ZC3H12C: variants seen among roughly 807,000 people sequenced by gnomAD.
The protein encoded by ZC3H12C is probable ribonuclease ZC3H12C.
Under a neutral mutation model 76.3 loss-of-function variants are expected in ZC3H12C, and 20 were observed. The observed-to-expected ratio is 0.26, with a 90% CI of 0.18 to 0.38. The LOEUF (loss-of-function observed/expected upper bound fraction) is 0.38, where lower values mean the gene tolerates loss of function less well. Ranked by LOEUF, ZC3H12C falls within the 10% of genes least tolerant of loss-of-function variation. The probability of loss-of-function intolerance (pLI) is 1.00; values close to 1 mark genes in which losing one functional copy is unlikely to be tolerated. For synonymous variants in ZC3H12C, 352 were observed against 399.6 expected (o/e 0.88, Z 1.42); for missense variants, 874 against 1,086.5 (o/e 0.80, Z 2.75).
intron 1 of ZC3H12C, among the ~76,000 whole-genome samples, chr11:110,102,528 CT>C (rs1214834665): frequency 6.6e-6 from 1 of 152,070 alleles, no homozygotes; most frequent in Non-Finnish European, 1.5e-5. Flanking sequence ...ACAGTGGTTT[CT>C]TAATTTGGAA....
intron 1 of ZC3H12C, among the ~76,000 whole-genome samples, chr11:110,127,895 CAAAA>C (rs749388411): frequency 2.0e-5 from 1 of 50,904 alleles, no homozygotes. Context: ...GACTTACTCT[CAAAA>C]AAAAAAAAAA....
At chr11:110,143,669 G>A (rs1056625305) in intron 2 of ZC3H12C, among the ~76,000 whole-genome samples, 4 of 152,046 alleles carry the variant, frequency 2.6e-5, no homozygotes, top group African/African-American at 4.8e-5. Flanking sequence ...ACACACACAC[G>A]TATATGTATT....
intron 1 of ZC3H12C, among the ~76,000 whole-genome samples, chr11:110,116,116 T>C (rs1176757944): frequency 2.6e-5 from 4 of 152,150 alleles, no homozygotes; most frequent in African/African-American, 4.8e-5. Flanking sequence ...CTGCTATATT[T>C]TCTTCTAATT....
chr11:110,163,835 A>C (rs1862525421), intron 5 of ZC3H12C, among the ~76,000 whole-genome samples: 1 of 152,200 alleles, frequency 6.6e-6, no homozygotes. Context: ...GCAGTGGCTC[A>C]AATCTGTAAT....
At position 110,165,129 on chromosome 11, in the gene ZC3H12C, G is replaced by A; in HGVS notation, c.2044G>A (p.Asp682Asn). The A allele has an allele frequency of 1.9e-6, 3 of 1,613,694 alleles. No individual in the cohort carries two copies. The highest frequency in any genetic ancestry group is 2.5e-6 in the Non-Finnish European group (3 of 1,179,860). The change falls in exon 6 of 6, where the codon GAC (aspartate) becomes AAC (asparagine). Residue 682 changes from aspartate (D) to asparagine (N), a missense_variant. Around this residue, in one of 3 missense-constraint regions of ZC3H12C, gnomAD observed 395 missense variants for 434.4 expected, o/e 0.91. Coordinates refer to ENST00000278590, the MANE Select transcript of ZC3H12C (RefSeq NM_033390.2). ...NPQPFLQNFH[D>N]PLTRGQSYSH... ...TCAACCGTTCCTGCAGAATTTCCAC[G>A]ACCCCTTAACCAGAGGGCAAAGTTA...
intron 2 of ZC3H12C, among the ~76,000 whole-genome samples, chr11:110,140,500 A>G (rs1009543030): frequency 6.6e-6 from 1 of 152,232 alleles, no homozygotes; most frequent in Non-Finnish European, 1.5e-5. Flanking sequence ...GAAAAAGCCC[A>G]GAGCTTCATG....
At chr11:110,163,724 CAG>C (rs2134201477) in intron 5 of ZC3H12C, among the ~76,000 whole-genome samples, 1 of 152,216 alleles carries the variant, frequency 6.6e-6, no homozygotes, top group African/African-American at 2.4e-5. Context: ...CTCTTCAAAA[CAG>C]AATTTCCTAC....
intron 1 of ZC3H12C, among the ~76,000 whole-genome samples, chr11:110,130,070 A>G (rs664219): frequency 0.38 from 57,566 of 152,006 alleles, 11,377 homozygotes; most frequent in East Asian, 0.66. Flanking sequence ...ATGAAATACA[A>G]ATACTTTTAA....
In ZC3H12C at chr11:110,164,729, C is replaced by G; in HGVS notation, c.1644C>G (p.Phe548Leu). Residue 548 changes from phenylalanine to leucine, a missense_variant, in exon 6 of 6, where the codon TTC becomes TTG. Phe to Leu is a conservative substitution (Grantham distance 22). Coordinates refer to ENST00000278590, the MANE Select transcript of ZC3H12C (RefSeq NM_033390.2). This position sits in a 1 kb window ranked among gnomAD's most constrained non-coding sequence, Gnocchi z 5.7. ...LSNGLPSGVH[F>L]PPQDQRPQGQ... is the part of the protein sequence containing the mutation. ...ATGGCCTTCCATCTGGAGTTCATTT[C>G]CCACCTCAGGATCAAAGACCACAGG... The G allele has an allele frequency of 6.2e-7, 1 of 1,613,996 alleles. No individual in the cohort carries two copies. The highest frequency in any genetic ancestry group is 1.1e-5 in the South Asian group (1 of 91,078).
At chr11:110,160,331 T>C (rs1385956692) in intron 4 of ZC3H12C, among the ~76,000 whole-genome samples, 1 of 152,184 alleles carries the variant, frequency 6.6e-6, no homozygotes, top group Non-Finnish European at 1.5e-5. Flanking sequence ...AAAAATACTT[T>C]TCTTTTTTCA....
intron 1 of ZC3H12C, among the ~76,000 whole-genome samples, chr11:110,127,795 C>T (rs559315539): frequency 4.0e-5 from 6 of 151,448 alleles, no homozygotes; most frequent in South Asian, 2.1e-4. Context: ...ACTTCGGAGG[C>T]AGAAGCTTGA....
intron 1 of ZC3H12C, among the ~76,000 whole-genome samples, chr11:110,117,757 A>G (rs1861559388): frequency 9.3e-6 from 1 of 107,556 alleles, no homozygotes; most frequent in South Asian, 2.8e-4. Context: ...TATATTATAT[A>G]TACACACACA....
At chr11:110,157,046 G>A (rs1267903928) in intron 3 of ZC3H12C, among the ~76,000 whole-genome samples, 1 of 152,030 alleles carries the variant, frequency 6.6e-6, no homozygotes, top group Non-Finnish European at 1.5e-5. Flanking sequence ...GGGCATGGTG[G>A]TGCACGCTTG....
intron 1 of ZC3H12C, among the ~76,000 whole-genome samples, chr11:110,106,728 G>T (rs1214141798): frequency 6.6e-6 from 1 of 152,140 alleles, no homozygotes; most frequent in African/African-American, 2.4e-5. Flanking sequence ...ATAAAAGAAA[G>T]TTATTTGTTT....
intron 1 of ZC3H12C, among the ~76,000 whole-genome samples, chr11:110,117,628 C>A (rs565419336): frequency 2.1e-5 from 3 of 145,828 alleles, no homozygotes; most frequent in Non-Finnish European, 4.5e-5. Flanking sequence ...GTTAATTTGT[C>A]CCACATGAGA....
rs373507663 is a variant in ZC3H12C at position 110,136,948 on chromosome 11, T to C, written c.307T>C (p.Leu103=). The change falls in exon 2 of 6, where the codon TTG becomes CTG. Residue 103 remains leucine (L), a synonymous_variant. Transcript: ENST00000278590. ...NTNSDHESEQ[L]GSISVEPGLI... is the part of the protein sequence containing the mutation. ...AAATTCTGATCATGAGTCAGAACAA[T>C]TGGGTAGCATTTCAGTAGAGCCAGG... The C allele has an allele frequency of 2.7e-5, 43 of 1,613,670 alleles. No individual in the cohort carries two copies. In the African/African-American group the frequency reaches 5.1e-4, roughly 19 times the overall value.
At chr11:110,134,087 T>C (rs1345901622) in intron 1 of ZC3H12C, among the ~76,000 whole-genome samples, 1 of 152,210 alleles carries the variant, frequency 6.6e-6, no homozygotes, top group Non-Finnish European at 1.5e-5. Context: ...CAAGTCATTA[T>C]CTTGAAGAAT....
intron 1 of ZC3H12C, among the ~76,000 whole-genome samples, chr11:110,113,233 A>T (rs1391627754): frequency 6.6e-6 from 1 of 152,080 alleles, no homozygotes; most frequent in East Asian, 1.9e-4. Context: ...ATGGGAAAAA[A>T]TTTTCATCTT....
intron 1 of ZC3H12C, among the ~76,000 whole-genome samples, chr11:110,121,352 TC>T (rs1861647803): frequency 6.6e-6 from 1 of 152,206 alleles, no homozygotes; most frequent in Non-Finnish European, 1.5e-5. Flanking sequence ...AACACAAGAA[TC>T]CCGGCCCCGT....
Sources: allele counts gnomAD v4.1 joint callset (sites outside exome capture counted in the v4.1 genomes callset), GRCh38; gene constraint gnomAD v4.1.1; regional missense constraint gnomAD v4.1.1; non-coding constraint Gnocchi (gnomAD v3.1); transcripts MANE v1.5; gene names NCBI Gene and HGNC (gene_info 2026-07-23, HGNC 2026-07-21).